The following PCDH9 variants were observed in gnomAD, a reference collection of about 807,000 sequenced individuals.
PCDH9 encodes protocadherin 9, also known as protocadherin-9.
PCDH9 carries 24 observed loss-of-function variants against 70.6 expected under a neutral mutation model. The ratio of observed to expected loss-of-function variants is 0.34; its 90% CI spans 0.25 to 0.48. PCDH9 has a LOEUF of 0.48. PCDH9 is among the 20% of genes least tolerant of loss of function. The pLI is 0.99. For missense variants in PCDH9, 1,281 were observed against 1,503.6 expected (o/e 0.85, Z 2.45); for synonymous variants, 562 against 558.5 (o/e 1.01, Z -0.09).
intron 2 of PCDH9, among the ~76,000 whole-genome samples, chr13:67,188,050 T>A (rs1478928012): frequency 6.6e-6 from 1 of 152,136 alleles, no homozygotes; most frequent in Non-Finnish European, 1.5e-5. Context: ...TTCAAGAGTA[T>A]AATAGAATTG....
At chr13:66,807,380 T>C (rs1186937628) in intron 3 of PCDH9, among the ~76,000 whole-genome samples, 1 of 152,162 alleles carries the variant, frequency 6.6e-6, no homozygotes, top group East Asian at 1.9e-4. Flanking sequence ...TTCTTCAAAC[T>C]GAAAAATTTG....
intron 2 of PCDH9, among the ~76,000 whole-genome samples, chr13:66,952,011 G>A (rs529777196): frequency 2.0e-5 from 3 of 152,156 alleles, no homozygotes; most frequent in Non-Finnish European, 4.4e-5. Flanking sequence ...GTGAGCATCT[G>A]TGCTAAGGTA....
intron 4 of PCDH9, among the ~76,000 whole-genome samples, chr13:66,311,206 A>G (rs1387218032): frequency 6.6e-6 from 1 of 152,072 alleles, no homozygotes; most frequent in African/African-American, 2.4e-5. Context: ...TGCCTTAACC[A>G]ATCTTTCTAT....
chr13:67,128,210 A>T (rs1489281684), intron 2 of PCDH9, among the ~76,000 whole-genome samples: 1 of 152,216 alleles, frequency 6.6e-6, no homozygotes, highest in East Asian at 1.9e-4. Flanking sequence ...TCATAAGGGC[A>T]TGAGCCAATT....
At chr13:66,389,798 C>T (rs1312574980) in intron 4 of PCDH9, among the ~76,000 whole-genome samples, 1 of 152,154 alleles carries the variant, frequency 6.6e-6, no homozygotes, top group Non-Finnish European at 1.5e-5. Flanking sequence ...AAAAATAAGT[C>T]AATGACTTCC....
chr13:67,147,121 T>A (rs149285236), intron 2 of PCDH9, among the ~76,000 whole-genome samples: 78 of 152,292 alleles, frequency 5.1e-4, no homozygotes, highest in African/African-American at 1.9e-3. Context: ...ATTTTTTTAT[T>A]CTGCAAGTAT....
At chr13:66,820,749 C>G (rs919593797) in intron 3 of PCDH9, among the ~76,000 whole-genome samples, 5 of 152,054 alleles carry the variant, frequency 3.3e-5, no homozygotes, top group Non-Finnish European at 7.4e-5. Context: ...AACAGAGGGA[C>G]AGAAAACTAA....
intron 3 of PCDH9, among the ~76,000 whole-genome samples, chr13:66,887,077 A>ACCCC (rs1555281316): frequency 1.6e-4 from 20 of 124,378 alleles, no homozygotes; most frequent in African/African-American, 6.0e-4. Flanking sequence ...ACACACACAC[A>ACCCC]CCCTGTATTT....
intron 4 of PCDH9, among the ~76,000 whole-genome samples, chr13:66,478,281 C>T (rs570998287): frequency 6.6e-6 from 1 of 152,204 alleles, no homozygotes; most frequent in African/African-American, 2.4e-5. Flanking sequence ...TTCTTTATTT[C>T]CTTGGACCCT....
chr13:66,365,988 T>C (rs1397787891), intron 4 of PCDH9, among the ~76,000 whole-genome samples: 1 of 152,074 alleles, frequency 6.6e-6, no homozygotes, highest in Non-Finnish European at 1.5e-5. Context: ...GCATAAAATT[T>C]TGCAAATATG....
intron 3 of PCDH9, among the ~76,000 whole-genome samples, chr13:66,763,042 T>G (rs2139254737): frequency 6.6e-6 from 1 of 152,086 alleles, no homozygotes; most frequent in South Asian, 2.1e-4. Context: ...AATAGTGCAC[T>G]GCAACCCTGA....
At position 66,721,132 on chromosome 13, in the gene PCDH9, G is replaced by C. The variant is rs528637638; in HGVS notation, c.3139-89721C>G. On this transcript the variant is annotated intron_variant, in intron 3 of 4. Transcript: ENST00000377865. Reference sequence around the variant, plus strand: ...AGGAGTTTCAAGTGCTTTTAATGAAGTATGTATGAAACCGTCATGCTGTTG... The same window carrying C: ...AGGAGTTTCAAGTGCTTTTAATGAACTATGTATGAAACCGTCATGCTGTTG... Among the ~76,000 whole-genome samples the C allele has an allele frequency of 7.2e-5, 11 of 152,274 alleles. No homozygotes were observed. The East Asian group carries it at 1.9e-3, about 27-fold the overall frequency.
chr13:66,566,777 T>G (rs1461817931), intron 4 of PCDH9, among the ~76,000 whole-genome samples: 1 of 152,132 alleles, frequency 6.6e-6, no homozygotes, highest in Admixed American at 6.5e-5. Flanking sequence ...CTTTAACATC[T>G]AGTTATAATT....
intron 4 of PCDH9, among the ~76,000 whole-genome samples, chr13:66,546,382 C>T (rs9540801): frequency 0.26 from 39,326 of 151,556 alleles, 5,324 homozygotes; most frequent in South Asian, 0.34. Flanking sequence ...TTTGTATCTT[C>T]GTTTTTAACA....
intron 4 of PCDH9, among the ~76,000 whole-genome samples, chr13:66,426,090 A>G (rs1048835244): frequency 2.0e-5 from 3 of 151,736 alleles, no homozygotes; most frequent in Non-Finnish European, 3.0e-5. Context: ...AGGTAGGAGT[A>G]TAGTTTCTTC....
In PCDH9 at chr13:66,738,917, A is replaced by C. The variant is rs1419799545; in HGVS notation, c.3139-107506T>G. Among the ~76,000 whole-genome samples, 5 of 145,434 alleles carry C rather than the reference A, an allele frequency of 3.4e-5. No individual in the cohort carries two copies. In the East Asian group the frequency reaches 6.3e-4, roughly 18 times the overall value. On this transcript the variant is annotated intron_variant, in intron 3 of 4. Transcript: ENST00000377865. Reference sequence around the variant, plus strand: ...ATGGAACCAAGTTGGAAAACACTCTACAGGATATTATCCAGGAGAACTTCC... The same window carrying C: ...ATGGAACCAAGTTGGAAAACACTCTCCAGGATATTATCCAGGAGAACTTCC...
intron 2 of PCDH9, among the ~76,000 whole-genome samples, chr13:66,946,698 T>G (rs147181054): frequency 2.6e-5 from 4 of 152,128 alleles, no homozygotes; most frequent in Admixed American, 2.6e-4. Context: ...CTTTATGGAT[T>G]TTATGGTAAA....
intron 3 of PCDH9, among the ~76,000 whole-genome samples, chr13:66,902,645 G>A (rs187178754): frequency 2.2e-4 from 33 of 151,620 alleles, no homozygotes; most frequent in African/African-American, 7.7e-4. Context: ...AAAAAAATAC[G>A]TGAAACAGTA....
At chr13:66,756,675 A>T (rs1215948857) in intron 3 of PCDH9, among the ~76,000 whole-genome samples, 1 of 152,092 alleles carries the variant, frequency 6.6e-6, no homozygotes, top group Non-Finnish European at 1.5e-5. Context: ...TGCTTGTGTC[A>T]TTGACAAGGA....
Sources: allele counts gnomAD v4.1 joint callset (sites outside exome capture counted in the v4.1 genomes callset), GRCh38; gene constraint gnomAD v4.1.1; transcripts MANE v1.5; gene names NCBI Gene and HGNC (gene_info 2026-07-23, HGNC 2026-07-21).